GATA4: variants seen among roughly 807,000 people sequenced by gnomAD.
The protein encoded by GATA4 is transcription factor GATA-4.
GATA4 carries 7 observed loss-of-function variants against 37.9 expected under a neutral mutation model. The observed-to-expected ratio is 0.18, with a 90% CI of 0.11 to 0.35. GATA4 has a LOEUF of 0.35. Among genes scored for constraint, GATA4 ranks in the 10% least tolerant of loss-of-function variants. The probability of loss-of-function intolerance (pLI) is 1.00; values close to 1 mark genes in which losing one functional copy is unlikely to be tolerated. For synonymous variants in GATA4, 372 were observed against 292.6 expected, an observed-to-expected ratio of 1.27 and a Z score of -2.77; for missense variants, 647 against 653.0, an observed-to-expected ratio of 0.99 and a Z score of 0.10.
At chr8:11,693,455 GAGAA>G (rs768495365) in intron 1 of GATA4, among the ~76,000 whole-genome samples, 4 of 148,582 alleles carry the variant, frequency 2.7e-5, no homozygotes, top group African/African-American at 4.9e-5. Context: ...AGACCCTGTG[GAGAA>G]AGAGAGAAAG....
rs62489353 is a variant in GATA4, at chr8:11,742,484, C to G, written c.617-6432C>G. Among the ~76,000 whole-genome samples, 1,160 of 152,092 alleles carry G rather than the reference C, an allele frequency of 7.6e-3. 8 individuals are homozygous for G. The highest frequency in any genetic ancestry group is 9.9e-3 in the Non-Finnish European group (672 of 67,986). ...CAAAACTGAGTCACATTCTGTCACT[C>G]CAGCCAGCTGACGTCCTGGGTTCTT... On this transcript the variant is annotated intron_variant, in intron 2 of 6. Transcript: ENST00000532059.
At position 11,708,378 on chromosome 8, in the gene GATA4, C is replaced by A; in HGVS notation, c.66C>A (p.Gly22=). 6 of 1,555,440 alleles carry A rather than the reference C, an allele frequency of 3.9e-6. No individual in the cohort carries two copies. The highest frequency in any genetic ancestry group is 5.2e-6 in the Non-Finnish European group (6 of 1,158,136). The change falls in exon 2 of 7, where the codon GGC becomes GGA. Residue 22 remains glycine, a synonymous_variant. Coordinates refer to ENST00000532059, the MANE Select transcript of GATA4 (RefSeq NM_001308093.3). This position sits in a 1 kb window ranked among gnomAD's most constrained non-coding sequence, Gnocchi z 6.7. ...CCCCCGGTGCCTACGAGGCGGGCGG[C>A]CCCGGCGCCTTCATGCACGGCGCGG... is the stretch of plus-strand genomic sequence containing the variant. ...GPPPGAYEAG[G]PGAFMHGAGA... is the part of the protein sequence containing the mutation.
In GATA4 at chr8:11,708,132, C is replaced by G. The variant is rs555576255; in HGVS notation, c.-181C>G. On this transcript the variant is annotated 5_prime_UTR_variant, in exon 2 of 7. Coordinates refer to ENST00000532059, the MANE Select transcript of GATA4 (RefSeq NM_001308093.3). The surrounding 1 kb of genome is among the most constrained non-coding windows in gnomAD (Gnocchi z 6.7). The stretch of plus-strand genomic sequence containing the variant: ...AAACAAGAGCCTAGAGCCCTTTGCT[C>G]AATGCTGGATTTAATACGTATATAT... 2.7e-4 allele frequency: 199 copies of G among 745,662 alleles called. 3 individuals carry two copies. The South Asian group carries it at 2.8e-3, about 11-fold the overall frequency. The allele number at this position is 745,662 out of a possible 1,614,324, so 46.2% of individuals were successfully genotyped here.
At chr8:11,713,678 T>G (rs1408283658) in intron 2 of GATA4, among the ~76,000 whole-genome samples, 1 of 151,994 alleles carries the variant, frequency 6.6e-6, no homozygotes, top group African/African-American at 2.4e-5. Flanking sequence ...CTTTTAACTC[T>G]GTGTTAGTGA....
At chr8:11,737,018 G>C (rs1205483908) in intron 2 of GATA4, among the ~76,000 whole-genome samples, 1 of 151,776 alleles carries the variant, frequency 6.6e-6, no homozygotes, top group Non-Finnish European at 1.5e-5. Context: ...CTTGCAACTT[G>C]GCTTAGACTC....
rs1800014802 is a variant in GATA4 at position 11,708,690 on chromosome 8, C to G, written c.378C>G (p.Ala126=). 1 of 1,278,470 alleles carries G rather than the reference C, an allele frequency of 7.8e-7. No homozygotes were observed. 79.2% of individuals were successfully genotyped at this position (1,278,470 alleles called of 1,614,324 possible). A position where few individuals can be genotyped will look rare whatever the true frequency, so the allele number is the denominator to read the frequency against. The stretch of plus-strand genomic sequence containing the variant: ...CGGCCGCCGCCGCCGCTGCCGCGGC[C>G]CGGGAAGCTGCGGCCTACAGCAGTG... ...SLAAAAAAAA[A]REAAAYSSGG... is the part of the protein sequence containing the mutation. The change falls in exon 2 of 7, where the codon GCC becomes GCG. Residue 126 remains alanine, a synonymous_variant. Coordinates refer to ENST00000532059, the MANE Select transcript of GATA4 (RefSeq NM_001308093.3). This position sits in a 1 kb window ranked among gnomAD's most constrained non-coding sequence, Gnocchi z 6.7.
At chr8:11,681,248 G>C (rs1038978744) in intron 1 of GATA4, 15 of 985,292 alleles carry the variant, frequency 1.5e-5, no homozygotes, top group African/African-American at 5.2e-5. Context: ...CTTACAGCTC[G>C]TCTGGGAGCG....
chr8:11,722,919 A>G (rs1423265584), intron 2 of GATA4, among the ~76,000 whole-genome samples: 1 of 152,358 alleles, frequency 6.6e-6, no homozygotes, highest in East Asian at 1.9e-4. Context: ...TTGGAGGTAC[A>G]GTTTGTCTAG....
chr8:11,721,533 C>T (rs983743754), intron 2 of GATA4, among the ~76,000 whole-genome samples: 1 of 151,936 alleles, frequency 6.6e-6, no homozygotes, highest in Admixed American at 6.5e-5. Context: ...CATTTCCCAT[C>T]GGAGAAGGAA....
At chr8:11,716,323 A>G (rs544010430) in intron 2 of GATA4, among the ~76,000 whole-genome samples, 2 of 151,834 alleles carry the variant, frequency 1.3e-5, no homozygotes, top group East Asian at 3.9e-4. Context: ...TTTTTTTTTT[A>G]AAGAAGATTC....
chr8:11,743,376 C>T (rs1215019928), intron 2 of GATA4, among the ~76,000 whole-genome samples: 1 of 152,266 alleles, frequency 6.6e-6, no homozygotes, highest in African/African-American at 2.4e-5. Flanking sequence ...ATCAACTCTG[C>T]CTCCAGGCAT....
chr8:11,740,981 G>A (rs566865821), intron 2 of GATA4, among the ~76,000 whole-genome samples: 5 of 152,068 alleles, frequency 3.3e-5, no homozygotes, highest in East Asian at 2.0e-4. Context: ...TGTTCCATCC[G>A]CTTCGGCCTC....
chr8:11,757,691 G>C (rs934535224), intron 6 of GATA4, among the ~76,000 whole-genome samples: 8 of 152,226 alleles, frequency 5.3e-5, no homozygotes, highest in African/African-American at 1.9e-4. Flanking sequence ...CTGCACGTGT[G>C]TCAGGGGACG....
At chr8:11,738,180 CAAAA>C (rs35759534) in intron 2 of GATA4, among the ~76,000 whole-genome samples, 2 of 82,470 alleles carry the variant, frequency 2.4e-5, no homozygotes, top group African/African-American at 3.7e-5. Flanking sequence ...GACTCTGTCT[CAAAA>C]AAAAAAAAAA....
intron 2 of GATA4, among the ~76,000 whole-genome samples, chr8:11,733,955 C>G (rs960930286): frequency 2.6e-5 from 4 of 152,240 alleles, no homozygotes; most frequent in African/African-American, 9.6e-5. Context: ...TGCCACGAGG[C>G]TGGCATGAAC....
At chr8:11,731,493 A>G (rs1157740911) in intron 2 of GATA4, among the ~76,000 whole-genome samples, 1 of 152,250 alleles carries the variant, frequency 6.6e-6, no homozygotes, top group East Asian at 1.9e-4. Context: ...CAAACACTCT[A>G]TGATCCCACT....
intron 2 of GATA4, among the ~76,000 whole-genome samples, chr8:11,724,204 C>T (rs1353103433): frequency 2.6e-5 from 4 of 151,992 alleles, no homozygotes; most frequent in Non-Finnish European, 5.9e-5. Context: ...TTTGTTTATC[C>T]ATTCATCCCT....
Position 11,758,420 on chromosome 8 carries a change from A to G in GATA4, c.1277A>G (p.Asp426Gly). 1 of 1,613,982 alleles carries G rather than the reference A, an allele frequency of 6.2e-7. No individual in the cohort carries two copies. The highest frequency in any genetic ancestry group is 8.5e-7 in the Non-Finnish European group (1 of 1,179,982). ...SQSPQTSSKQ[D>G]SWNSLVLADS... is the part of the protein sequence containing the mutation. ...TCTCCACAGACCAGCTCCAAGCAGG[A>G]CTCTTGGAACAGCCTGGTCTTGGCC... The change falls in exon 7 of 7, where the codon GAC (aspartate) becomes GGC (glycine). Residue 426 changes from aspartate to glycine, a missense_variant. Around this residue, in one of 5 missense-constraint regions of GATA4, gnomAD observed 184 missense variants for 157.1 expected, o/e 1.17. Coordinates refer to ENST00000532059, the MANE Select transcript of GATA4 (RefSeq NM_001308093.3).
Position 11,694,595 on chromosome 8 carries a change from T to C in GATA4, c.-729+1935T>C, listed in dbSNP as rs1346098653. 5.0e-6 allele frequency: 4 copies of C among 800,190 alleles called. No individual in the cohort carries two copies. In the African/African-American group the frequency reaches 5.6e-5, roughly 11 times the overall value. 49.6% of individuals were successfully genotyped at this position (800,190 alleles called of 1,614,324 possible). On this transcript the variant is annotated intron_variant, in intron 1 of 2. Transcript: ENST00000526974. ...GATCATGGAAGCCAAACTGTCTGCT[T>C]TGTTCCTAAGAGGAAACACAATATT...
Sources: gnomAD v4.1 joint callset for allele counts (sites outside exome capture counted in the v4.1 genomes callset) on GRCh38, gnomAD v4.1.1 for gene constraint, gnomAD v4.1.1 regional missense constraint, Gnocchi (gnomAD v3.1) non-coding constraint, MANE v1.5 for transcripts, NCBI Gene and HGNC (gene_info 2026-07-23, HGNC 2026-07-21) for gene names.